The following TESMIN variants were observed in gnomAD, a reference collection of about 807,000 sequenced individuals.
The protein encoded by TESMIN is testis expressed metallothionein like protein, also known as CXC domain containing 2.
Under a neutral mutation model 47.4 loss-of-function variants are expected in TESMIN, and 34 were observed. The observed-to-expected ratio is 0.72, with a 90% confidence interval of 0.55 to 0.96. The LOEUF is 0.96. Ranked by LOEUF, TESMIN falls within the 40% of genes least tolerant of loss-of-function variation. The probability of loss-of-function intolerance (pLI) is 0.00; values close to 1 mark genes in which losing one functional copy is unlikely to be tolerated. For synonymous variants in TESMIN, 278 were observed against 258.9 expected (o/e 1.07, Z -0.71); for missense variants, 610 against 637.2 (o/e 0.96, Z 0.46).
chr11:68,732,443 A>G (rs1392524129), intron 6 of TESMIN: 1 of 152,632 alleles, frequency 6.6e-6, no homozygotes, highest in African/African-American at 2.4e-5. Context: ...CTTCATGGTC[A>G]TTTGACCTGC....
chr11:68,712,504 G>A (rs4460815), intron 8 of TESMIN, among the ~76,000 whole-genome samples: 90,173 of 151,982 alleles, frequency 0.59, 28,243 homozygotes, highest in East Asian at 0.78. Context: ...CCAAAACAGA[G>A]GTTTGTAAGG....
At chr11:68,712,620 A>G (rs1946086658) in intron 8 of TESMIN, among the ~76,000 whole-genome samples, 1 of 152,192 alleles carries the variant, frequency 6.6e-6, no homozygotes, top group African/African-American at 2.4e-5. Flanking sequence ...AGAGAGGTGA[A>G]ACTGCGACAG....
At chr11:68,710,678 G>C (rs1272654229) in intron 9 of TESMIN, 196 bp downstream of exon 9, 1 of 541,532 alleles carries the variant, frequency 1.8e-6, no homozygotes, top group Non-Finnish European at 3.2e-6. Context: ...ACAGGTTTCT[G>C]CAGCGGGGCC....
At chr11:68,734,631 A>G (rs962825023) in intron 6 of TESMIN, among the ~76,000 whole-genome samples, 1 of 152,240 alleles carries the variant, frequency 6.6e-6, no homozygotes, top group Non-Finnish European at 1.5e-5. Flanking sequence ...TCATGTACAC[A>G]GGCCTCATCT....
intron 6 of TESMIN, among the ~76,000 whole-genome samples, chr11:68,719,072 C>A (rs1433735375): frequency 6.6e-6 from 1 of 152,172 alleles, no homozygotes; most frequent in Non-Finnish European, 1.5e-5. Flanking sequence ...CTGGTGAACC[C>A]CTTAGCATGA....
At chr11:68,717,406 C>T (rs925239209) in intron 6 of TESMIN, among the ~76,000 whole-genome samples, 3 of 152,024 alleles carry the variant, frequency 2.0e-5, no homozygotes, top group Admixed American at 6.6e-5. Context: ...CCCTGAAAGG[C>T]GAGCTCCCCA....
At chr11:68,734,455 T>C (rs1458441585) in intron 6 of TESMIN, among the ~76,000 whole-genome samples, 1 of 152,150 alleles carries the variant, frequency 6.6e-6, no homozygotes, top group East Asian at 1.9e-4. Flanking sequence ...ATGGAAGTGG[T>C]TCAATAGGCT....
At chr11:68,748,154 G>A (rs1566328389) in intron 2 of TESMIN, among the ~76,000 whole-genome samples, 1 of 152,192 alleles carries the variant, frequency 6.6e-6, no homozygotes, top group Non-Finnish European at 1.5e-5. Context: ...TGGCTCTAAG[G>A]TAACATACTG....
chr11:68,716,910 G>A (rs1946146529), intron 6 of TESMIN, among the ~76,000 whole-genome samples: 2 of 152,150 alleles, frequency 1.3e-5, no homozygotes, highest in African/African-American at 2.4e-5. Flanking sequence ...ATGGTTCATC[G>A]AAAAGAGCTT....
intron 4 of TESMIN, among the ~76,000 whole-genome samples, chr11:68,743,600 G>A (rs1032856811): frequency 3.3e-5 from 5 of 152,062 alleles, no homozygotes; most frequent in Admixed American, 6.6e-5. Context: ...AAGTTGTTTG[G>A]ATATAAATAC....
At position 68,747,062 on chromosome 11, in the gene TESMIN, C is replaced by T. The variant is rs1340503171; in HGVS notation, c.630+146G>A. On this transcript the variant is annotated intron_variant, in intron 3 of 9. Coordinates refer to ENST00000255087, the MANE Select transcript of TESMIN (RefSeq NM_004923.3). Reference sequence around the variant, plus strand: ...AGGTGAGATGTGAAAGGCTCATGTCCCTGTTTTGCTAATGAGACAACCAAA... The same window carrying T: ...AGGTGAGATGTGAAAGGCTCATGTCTCTGTTTTGCTAATGAGACAACCAAA... The T allele has an allele frequency of 2.3e-5, 18 of 775,112 alleles. No homozygotes were observed. The Admixed American group carries it at 2.6e-4, about 11-fold the overall frequency. The allele number at this position is 775,112 out of a possible 1,614,324, so 48.0% of individuals were successfully genotyped here. A position where few individuals can be genotyped will look rare whatever the true frequency, so the allele number is the denominator to read the frequency against.
Position 68,707,878 on chromosome 11 carries a change from A to G in TESMIN, c.*430T>C, listed in dbSNP as rs773994665. The stretch of plus-strand genomic sequence containing the variant: ...TTCTAAATAATTTGAAAAACAAACA[A>G]GAAACCATTAGGGTTTTCATGCAGA... On this transcript the variant is annotated 3_prime_UTR_variant, in exon 10 of 10. Transcript: ENST00000255087. The G allele has an allele frequency of 2.2e-6, 1 of 459,022 alleles. No individual in the cohort carries two copies. The highest frequency in any genetic ancestry group is 4.4e-6 in the Non-Finnish European group (1 of 228,976). The allele number at this position is 459,022 out of a possible 1,614,324, so 28.4% of individuals were successfully genotyped here.
chr11:68,727,791 T>C (rs1387696790), intron 6 of TESMIN, among the ~76,000 whole-genome samples: 1 of 152,244 alleles, frequency 6.6e-6, no homozygotes, highest in African/African-American at 2.4e-5. Flanking sequence ...CTTGTAATGT[T>C]TCAAACCTTT....
chr11:68,728,355 G>A (rs980304529), intron 6 of TESMIN, among the ~76,000 whole-genome samples: 45 of 152,220 alleles, frequency 3.0e-4, no homozygotes, highest in African/African-American at 1.1e-3. Context: ...AGGCCCTAAT[G>A]CTTGTCAATT....
At chr11:68,748,028 T>C (rs1946543859) in intron 2 of TESMIN, among the ~76,000 whole-genome samples, 1 of 152,214 alleles carries the variant, frequency 6.6e-6, no homozygotes, top group African/African-American at 2.4e-5. Context: ...ACCCACGCTT[T>C]GCATCCTCCC....
At position 68,707,723 on chromosome 11, in the gene TESMIN, G is replaced by T. The variant is rs550465324; in HGVS notation, c.*585C>A. ...CGAGGCCCCATTGCCTGCGTCTCCCGGGGGCCTTAGGAAAGACTGACAGTT... is the reference window on the plus strand; with the variant it reads ...CGAGGCCCCATTGCCTGCGTCTCCCTGGGGCCTTAGGAAAGACTGACAGTT... On this transcript the variant is annotated 3_prime_UTR_variant, in exon 10 of 10. Coordinates refer to ENST00000255087, the MANE Select transcript of TESMIN (RefSeq NM_004923.3). The T allele has an allele frequency of 9.5e-6, 4 of 420,884 alleles. No individual in the cohort carries two copies. The highest frequency in any genetic ancestry group is 2.0e-5 in the Non-Finnish European group (4 of 202,618). 26.1% of individuals were successfully genotyped at this position (420,884 alleles called of 1,614,324 possible).
Position 68,711,053 on chromosome 11 carries a change from G to A in TESMIN, c.1159-4C>T, listed in dbSNP as rs769595019. Reference sequence around the variant, plus strand: ...TAGAAGAACACATAATTTGGGCCTGGTAATATAAAATGCTTCAATAAAATT... The same window carrying A: ...TAGAAGAACACATAATTTGGGCCTGATAATATAAAATGCTTCAATAAAATT... On this transcript the variant is annotated splice_polypyrimidine_tract_variant and splice_region_variant and intron_variant, in intron 8 of 9. Coordinates refer to ENST00000255087, the MANE Select transcript of TESMIN (RefSeq NM_004923.3). 1.3e-4 allele frequency: 199 copies of A among 1,591,746 alleles called. 1 individual carries two copies. In the Middle Eastern group the frequency reaches 2.0e-3, roughly 16 times the overall value.
chr11:68,719,366 C>T (rs923641935), intron 6 of TESMIN, among the ~76,000 whole-genome samples: 3 of 152,152 alleles, frequency 2.0e-5, no homozygotes, highest in South Asian at 2.1e-4. Flanking sequence ...GAGTTTTCAT[C>T]GTCATAAAAA....
intron 6 of TESMIN, among the ~76,000 whole-genome samples, chr11:68,727,261 C>A (rs921470745): frequency 6.6e-6 from 1 of 151,986 alleles, no homozygotes; most frequent in African/African-American, 2.4e-5. Context: ...GCCAACATGG[C>A]GAAAACCCAT....
Sources: allele counts gnomAD v4.1 joint callset (sites outside exome capture counted in the v4.1 genomes callset), GRCh38; gene constraint gnomAD v4.1.1; transcripts MANE v1.5; gene names NCBI Gene and HGNC (gene_info 2026-07-23, HGNC 2026-07-21).